Variants in ZNF140 observed in about 807,000 individuals in gnomAD.
ZNF140 encodes zinc finger protein 140.
Under a neutral mutation model 12.9 loss-of-function variants are expected in ZNF140, and 13 were observed. That is an observed-to-expected ratio of 1.01 (90% CI 0.66 to 1.60). The LOEUF is 1.60. Among genes scored for constraint, ZNF140 ranks in the 40% most tolerant of loss-of-function variants. ZNF140 has a pLI of 0.00. For synonymous variants in ZNF140, 214 were observed against 186.7 expected (o/e 1.15, Z -1.19); for missense variants, 531 against 548.8 (o/e 0.97, Z 0.32).
chr12:133,086,943 A>G (rs2137497436), intron 4 of ZNF140, among the ~76,000 whole-genome samples: 1 of 152,296 alleles, frequency 6.6e-6, no homozygotes, highest in African/African-American at 2.4e-5. Context: ...TTGTGTTTGT[A>G]TGTTTCTAGG....
intron 2 of ZNF140, 175 bp downstream of exon 2, chr12:133,081,504 C>G: frequency 2.2e-6 from 1 of 458,548 alleles, no homozygotes; most frequent in Non-Finnish European, 4.4e-6. Flanking sequence ...TTCCGCTTTT[C>G]TTTGTGAAGT....
intron 4 of ZNF140, among the ~76,000 whole-genome samples, chr12:133,099,503 C>T (rs1359841430): frequency 1.3e-5 from 2 of 152,188 alleles, no homozygotes; most frequent in East Asian, 3.9e-4. Context: ...TTTGAACAAG[C>T]TGTTATCTGT....
chr12:133,097,733 T>C (rs1955180839), intron 4 of ZNF140, among the ~76,000 whole-genome samples: 1 of 152,106 alleles, frequency 6.6e-6, no homozygotes, highest in Non-Finnish European at 1.5e-5. Flanking sequence ...AGCTCACTGC[T>C]GTCTCAAATT....
chr12:133,092,800 G>A (rs1954937674), intron 4 of ZNF140, among the ~76,000 whole-genome samples: 1 of 151,046 alleles, frequency 6.6e-6, no homozygotes, highest in Non-Finnish European at 1.5e-5. Flanking sequence ...AATATAATTG[G>A]CCTCGAGGGG....
intron 1 of ZNF140, 21 bp from the exon 2 acceptor site, chr12:133,081,252 G>T: frequency 7.0e-7 from 1 of 1,435,350 alleles, no homozygotes. Flanking sequence ...TTCGCTCAGG[G>T]CTCCTTTCTC....
At chr12:133,083,324 G>T in intron 3 of ZNF140, 95 bp downstream of exon 3, 2 of 1,513,178 alleles carry the variant, frequency 1.3e-6, no homozygotes, top group Non-Finnish European at 1.8e-6. Flanking sequence ...GAGGTATGGG[G>T]TTTCTTAAAA....
intron 4 of ZNF140, among the ~76,000 whole-genome samples, chr12:133,086,863 TATC>T (rs1458659720): frequency 2.6e-5 from 4 of 152,248 alleles, no homozygotes; most frequent in Admixed American, 6.5e-5. Context: ...GAGATCCAGT[TATC>T]ATAGTACCAT....
intron 4 of ZNF140, chr12:133,101,192 T>C (rs1026752893): frequency 4.1e-6 from 1 of 246,472 alleles, no homozygotes; most frequent in Non-Finnish European, 8.3e-6. Context: ...GTTTCCTCCA[T>C]CTGTGGTTTG....
chr12:133,084,759 A>G (rs1288944223), intron 4 of ZNF140, among the ~76,000 whole-genome samples: 2 of 152,344 alleles, frequency 1.3e-5, no homozygotes, highest in East Asian at 3.9e-4. Context: ...AACAGATGTC[A>G]TGAAAACTGA....
chr12:133,106,162 T>A lies in ZNF140; in HGVS notation c.885T>A (p.His295Gln). ...AACTCATTCGCCACCAGATTACACA[T>A]ACTGGAGAGAAACCTTATGAATGCA... ...GSELIRHQIT[H>Q]TGEKPYECIE... The change falls in exon 5 of 5, where the codon CAT becomes CAA. Residue 295 changes from histidine (H) to glutamine (Q), a missense_variant. By Grantham distance (24) the His-to-Gln change is conservative. Coordinates refer to ENST00000355557, the MANE Select transcript of ZNF140 (RefSeq NM_003440.4). The A allele has an allele frequency of 6.2e-7, 1 of 1,614,182 alleles. No individual in the cohort carries two copies. Among genetic ancestry groups the A allele is most frequent in the Non-Finnish European group, 8.5e-7 (1 of 1,180,014 alleles).
intron 4 of ZNF140, among the ~76,000 whole-genome samples, chr12:133,100,160 GTTTTTTTTTTTT>G (rs58610589): frequency 2.0e-4 from 12 of 60,984 alleles, no homozygotes; most frequent in African/African-American, 2.4e-4. Flanking sequence ...TGCCTTTTCC[GTTTTTTTTTTTT>G]TTTTTTTTTT....
intron 4 of ZNF140, chr12:133,093,359 A>G: frequency 2.9e-6 from 2 of 683,690 alleles, no homozygotes; most frequent in South Asian, 3.1e-5. Context: ...TGATACAATC[A>G]TTAAAGCTGC....
chr12:133,097,818 C>CGTGTGTGTGTGTGTGTGTGTGTGTGTGT (rs1377287336), intron 4 of ZNF140, among the ~76,000 whole-genome samples: 24 of 106,582 alleles, frequency 2.3e-4, no homozygotes, highest in Admixed American at 7.6e-4. Flanking sequence ...CACATCTAAC[C>CGTGTGTGTGTGTGTGTGTGTGTGTGTGT]ATGTGTGTGT....
chr12:133,093,316 G>A (rs920850072), intron 4 of ZNF140: 16 of 630,584 alleles, frequency 2.5e-5, no homozygotes, highest in Non-Finnish European at 1.7e-5. Flanking sequence ...TAGTTGTAGC[G>A]GCTCCTGCAG....
At chr12:133,103,629 C>T (rs1261110959) in intron 4 of ZNF140, among the ~76,000 whole-genome samples, 1 of 151,938 alleles carries the variant, frequency 6.6e-6, no homozygotes, top group Non-Finnish European at 1.5e-5. Context: ...TTTCAGTTCC[C>T]AGTAAGTTTC....
At chr12:133,090,340 G>A (rs1954813704) in intron 4 of ZNF140, among the ~76,000 whole-genome samples, 1 of 151,854 alleles carries the variant, frequency 6.6e-6, no homozygotes, top group South Asian at 2.1e-4. Flanking sequence ...ACAGAGTCTT[G>A]CTATGTTGTC....
chr12:133,095,078 T>TA (rs1158863470), intron 4 of ZNF140, among the ~76,000 whole-genome samples: 2 of 151,124 alleles, frequency 1.3e-5, no homozygotes, highest in Non-Finnish European at 2.9e-5. Context: ...GTTGCTTTAA[T>TA]AATAGCCCAA....
intron 4 of ZNF140, chr12:133,084,263 T>C (rs952006160): frequency 7.5e-5 from 28 of 374,188 alleles, no homozygotes; most frequent in African/African-American, 3.0e-4. Flanking sequence ...AAGTACATAT[T>C]TTGCTGTTCT....
chr12:133,092,545 A>G (rs947137085), intron 4 of ZNF140, among the ~76,000 whole-genome samples: 51 of 151,424 alleles, frequency 3.4e-4, no homozygotes, highest in South Asian at 4.2e-4. Flanking sequence ...TTCCATACCA[A>G]ATTTTAATGT....
Sources: allele counts gnomAD v4.1 joint callset (sites outside exome capture counted in the v4.1 genomes callset), GRCh38; gene constraint gnomAD v4.1.1; transcripts MANE v1.5; gene names NCBI Gene and HGNC (gene_info 2026-07-23, HGNC 2026-07-21).